The following THSD7B variants were observed in gnomAD, a reference collection of about 807,000 sequenced individuals.
The protein encoded by THSD7B is thrombospondin type-1 domain-containing protein 7B.
A neutral mutation model predicts 213.6 loss-of-function variants in THSD7B; 138 were observed. That is an observed-to-expected ratio of 0.65 (90% CI 0.56 to 0.74). The LOEUF is 0.74. Ranked by LOEUF, THSD7B falls within the 30% of genes least tolerant of loss-of-function variation. THSD7B has a pLI of 0.00. For missense variants in THSD7B, 1,931 were observed against 1,991.5 expected (o/e 0.97, Z 0.58); for synonymous variants, 742 against 687.0 (o/e 1.08, Z -1.25).
At chr2:136,789,609 T>G (rs1339380213) in intron 1 of THSD7B, among the ~76,000 whole-genome samples, 1 of 152,098 alleles carries the variant, frequency 6.6e-6, no homozygotes. Flanking sequence ...GATAAAAAGA[T>G]TTGCTGTGTG....
chr2:137,087,375 C>T (rs925302582), intron 3 of THSD7B, among the ~76,000 whole-genome samples: 3 of 152,134 alleles, frequency 2.0e-5, no homozygotes, highest in African/African-American at 7.2e-5. Flanking sequence ...GCCAGCCTGT[C>T]GCTATTTGCC....
At chr2:137,278,675 A>G (rs1176623666) in intron 12 of THSD7B, among the ~76,000 whole-genome samples, 2 of 152,096 alleles carry the variant, frequency 1.3e-5, no homozygotes, top group Non-Finnish European at 1.5e-5. Flanking sequence ...GCTGTTCACT[A>G]GGCTTATGTG....
At chr2:137,066,076 AT>A (rs1163211624) in intron 3 of THSD7B, among the ~76,000 whole-genome samples, 2 of 149,924 alleles carry the variant, frequency 1.3e-5, no homozygotes, top group Admixed American at 6.7e-5. Context: ...CTTTTAATAC[AT>A]TTTTTTCAAA....
intron 15 of THSD7B, among the ~76,000 whole-genome samples, chr2:137,543,339 T>C (rs1461304999): frequency 1.3e-5 from 2 of 151,868 alleles, no homozygotes; most frequent in African/African-American, 4.8e-5. Context: ...TCTGCAATAC[T>C]GTTGTTCAGC....
In THSD7B at chr2:136,869,112, CA is replaced by C. The variant is rs1683390062; in HGVS notation, c.-35-13031del. On this transcript the variant is annotated intron_variant, in intron 1 of 27. Transcript: ENST00000409968. ...TTTATAATTTGTAAAAAAAGTTCTC[CA>C]CTTGAGTAGATTTAAAGTATAGGCA... Among the ~76,000 whole-genome samples, 5 of 151,996 alleles carry C rather than the reference CA, an allele frequency of 3.3e-5. No individual in the cohort carries two copies. The South Asian group carries it at 1.0e-3, about 32-fold the overall frequency.
In THSD7B at chr2:137,576,413, A is replaced by G. The variant is rs550923845; in HGVS notation, c.3423+3857A>G. Among the ~76,000 whole-genome samples, 12 of 152,254 alleles carry G rather than the reference A, an allele frequency of 7.9e-5. No individual in the cohort carries two copies. The South Asian group carries it at 2.5e-3, about 32-fold the overall frequency. ...GAACTGTAGCCAAGCATCCCTTCAC[A>G]TAGTGGGAATTAGAGGCTCATTAAA... On this transcript the variant is annotated intron_variant, in intron 17 of 27. Coordinates refer to ENST00000409968, the MANE Select transcript of THSD7B (RefSeq NM_001316349.2).
chr2:137,558,241 C>T (rs1203483130), intron 15 of THSD7B, among the ~76,000 whole-genome samples: 1 of 152,106 alleles, frequency 6.6e-6, no homozygotes, highest in Non-Finnish European at 1.5e-5. Flanking sequence ...GATACCAAAG[C>T]CTGGCAGAGA....
At chr2:137,231,859 G>A (rs980314737) in intron 8 of THSD7B, among the ~76,000 whole-genome samples, 1 of 152,160 alleles carries the variant, frequency 6.6e-6, no homozygotes, top group African/African-American at 2.4e-5. Context: ...TCCAGCACAC[G>A]TCATTTCTTT....
chr2:137,236,222 G>C (rs1006259568), intron 9 of THSD7B, among the ~76,000 whole-genome samples: 1 of 152,130 alleles, frequency 6.6e-6, no homozygotes, highest in African/African-American at 2.4e-5. Flanking sequence ...GTGGCCTTCA[G>C]AAAACAGAGA....
intron 2 of THSD7B, among the ~76,000 whole-genome samples, chr2:136,966,607 T>C (rs1685319047): frequency 6.6e-6 from 1 of 152,216 alleles, no homozygotes; most frequent in African/African-American, 2.4e-5. Flanking sequence ...ATCTTTGTTT[T>C]GTTTTGGCTG....
At chr2:136,767,867 T>C (rs930637869) in intron 1 of THSD7B, among the ~76,000 whole-genome samples, 1 of 152,218 alleles carries the variant, frequency 6.6e-6, no homozygotes, top group Non-Finnish European at 1.5e-5. Context: ...CCTTAATATT[T>C]AAATCAATAC....
intron 15 of THSD7B, among the ~76,000 whole-genome samples, chr2:137,542,272 C>T (rs987797705): frequency 3.3e-5 from 5 of 151,454 alleles, no homozygotes; most frequent in Admixed American, 2.0e-4. Flanking sequence ...CATCAGAAAC[C>T]GTGGAGGCAA....
chr2:136,966,469 A>G (rs949499227), intron 2 of THSD7B, among the ~76,000 whole-genome samples: 3 of 152,202 alleles, frequency 2.0e-5, no homozygotes, highest in African/African-American at 7.2e-5. Flanking sequence ...TGCCCAGCTC[A>G]GCCTCCAAAA....
chr2:136,964,414 G>A (rs962275494), intron 2 of THSD7B, among the ~76,000 whole-genome samples: 6 of 152,022 alleles, frequency 3.9e-5, no homozygotes, highest in Admixed American at 1.3e-4. Flanking sequence ...AACACAGTGA[G>A]ACCCTGTCTC....
chr2:137,404,617 C>CATATATATG (rs1686466667), intron 12 of THSD7B, among the ~76,000 whole-genome samples: 1 of 148,396 alleles, frequency 6.7e-6, no homozygotes, highest in Non-Finnish European at 1.5e-5. Flanking sequence ...TATATATGAT[C>CATATATATG]ATATATATGA....
At chr2:137,130,638 T>C (rs1425863246) in intron 5 of THSD7B, among the ~76,000 whole-genome samples, 3 of 150,954 alleles carry the variant, frequency 2.0e-5, no homozygotes, top group African/African-American at 7.3e-5. Context: ...GTTTGGTTTT[T>C]TGTCCTTGAG....
intron 15 of THSD7B, among the ~76,000 whole-genome samples, chr2:137,559,462 G>A (rs1427638679): frequency 6.6e-6 from 1 of 152,158 alleles, no homozygotes; most frequent in Non-Finnish European, 1.5e-5. Flanking sequence ...AAGAAATGGG[G>A]AAAGGATTCC....
chr2:137,516,728 G>A lies in THSD7B; in HGVS notation c.3139-46493G>A, dbSNP rs117864847. On this transcript the variant is annotated intron_variant, in intron 15 of 27. Transcript: ENST00000409968. The stretch of plus-strand genomic sequence containing the variant: ...TAATTGCCATTGACATTTAGCAGCT[G>A]ACAGAACCCCCACATTGGCTCCCTG... 4.6e-5 allele frequency among the ~76,000 whole-genome samples: 7 copies of A among 152,178 alleles called. No homozygotes were observed. In the East Asian group the frequency reaches 1.4e-3, roughly 29 times the overall value.
intron 15 of THSD7B, among the ~76,000 whole-genome samples, chr2:137,556,019 C>G (rs1460006003): frequency 1.3e-5 from 2 of 152,130 alleles, no homozygotes; most frequent in Non-Finnish European, 2.9e-5. Context: ...ACGAACAAAG[C>G]CTCCAAGAAA....
Sources: gnomAD v4.1 joint callset for allele counts (sites outside exome capture counted in the v4.1 genomes callset) on GRCh38, gnomAD v4.1.1 for gene constraint, MANE v1.5 for transcripts, NCBI Gene and HGNC (gene_info 2026-07-23, HGNC 2026-07-21) for gene names.